PFKFB3: variants seen among roughly 807,000 people sequenced by gnomAD.
The protein encoded by PFKFB3 is 6-phosphofructo-2-kinase/fructose-2,6-biphosphatase 3, also known as 6-phosphofructo-2-kinase/fructose-2,6-bisphosphatase 3.
PFKFB3 carries 33 observed loss-of-function variants against 68.0 expected under a neutral mutation model. That is an observed-to-expected ratio of 0.49 (90% CI 0.37 to 0.65). The LOEUF (loss-of-function observed/expected upper bound fraction) is 0.65, where lower values mean the gene tolerates loss of function less well. Ranked by LOEUF, PFKFB3 falls within the 30% of genes least tolerant of loss-of-function variation. The pLI, the probability that PFKFB3 is intolerant of heterozygous loss-of-function variation, is 0.00. For missense variants in PFKFB3, 586 were observed against 712.2 expected, an observed-to-expected ratio of 0.82 and a Z score of 2.02; for synonymous variants, 315 against 288.2, an observed-to-expected ratio of 1.09 and a Z score of -0.94.
At chr10:6,165,086 G>T (rs370102123) in intron 1 of PFKFB3, among the ~76,000 whole-genome samples, 46 of 152,254 alleles carry the variant, frequency 3.0e-4, no homozygotes, top group African/African-American at 1.0e-3. Context: ...TTCCCAGGAG[G>T]CCATATCTCA....
chr10:6,192,749 G>T (rs868765783), intron 1 of PFKFB3, among the ~76,000 whole-genome samples: 15 of 151,886 alleles, frequency 9.9e-5, no homozygotes, highest in Middle Eastern at 6.8e-3. Context: ...AAACCAAGGG[G>T]TGAAGACCAA....
chr10:6,144,924 T>C (rs2131660468), upstream of PFKFB3: 1 of 1,150,564 alleles, frequency 8.7e-7, no homozygotes, highest in Non-Finnish European at 1.1e-6. Flanking sequence ...GCGCCCCGAG[T>C]CGCGGGGCTG....
chr10:6,212,305 C>A (rs1013853158), intron 1 of PFKFB3, among the ~76,000 whole-genome samples: 7 of 152,232 alleles, frequency 4.6e-5, no homozygotes, highest in African/African-American at 1.7e-4. Context: ...GCCCTCGGCT[C>A]CCAGAACAGG....
intron 1 of PFKFB3, among the ~76,000 whole-genome samples, chr10:6,159,107 A>C (rs1334106803): frequency 2.0e-5 from 3 of 152,146 alleles, no homozygotes; most frequent in African/African-American, 7.2e-5. Context: ...AAAAAATCCC[A>C]AAACAGGCCA....
chr10:6,146,603 C>T lies in PFKFB3; in HGVS notation c.16+1590C>T, dbSNP rs1004692339. On this transcript the variant is annotated intron_variant, in intron 1 of 14. Transcript: ENST00000379789. ...GACAATCATTTATCTCTGACTTCAT[C>T]GCTTCTGCCCACTTTTGTCGATGTA... 49 of 1,128,914 alleles carry T rather than the reference C, an allele frequency of 4.3e-5. No homozygotes were observed. In the African/African-American group the frequency reaches 5.6e-4, roughly 13 times the overall value. The allele number at this position is 1,128,914 out of a possible 1,614,324, so 69.9% of individuals were successfully genotyped here.
At chr10:6,232,816 G>A (rs1425348492) in intron 14 of PFKFB3, 79 bp from the exon 15 acceptor site, 5 of 1,096,568 alleles carry the variant, frequency 4.6e-6, no homozygotes, top group Non-Finnish European at 6.9e-6. Context: ...TCCGTTGCAT[G>A]GCTCGCGTCT....
downstream of PFKFB3, among the ~76,000 whole-genome samples, chr10:6,236,947 G>A (rs1307172738): frequency 2.0e-5 from 3 of 152,290 alleles, no homozygotes; most frequent in East Asian, 3.9e-4. Context: ...CCGGAGAGGG[G>A]TGGACGTTGT....
chr10:6,177,632 TCTC>T (rs1434508759), intron 1 of PFKFB3, among the ~76,000 whole-genome samples: 1 of 151,384 alleles, frequency 6.6e-6, no homozygotes, highest in Non-Finnish European at 1.5e-5. Context: ...TTCAAGCAAT[TCTC>T]CTGCCTCAGC....
chr10:6,320,298 C>A, the PFKFB3 span, among the ~76,000 whole-genome samples: 66 of 152,278 alleles, frequency 4.3e-4, no homozygotes, highest in African/African-American at 1.5e-3. Context: ...TCTCAGGAAT[C>A]TCAAAGTCAT....
At position 6,159,690 on chromosome 10, in the gene PFKFB3, C is replaced by A. The variant is rs1373976547; in HGVS notation, c.16+14677C>A. Among the ~76,000 whole-genome samples, 35 of 145,760 alleles carry A rather than the reference C, an allele frequency of 2.4e-4. 1 individual carries two copies. In the Admixed American group the frequency reaches 2.4e-3, roughly 10 times the overall value. On this transcript the variant is annotated intron_variant, in intron 1 of 14. Coordinates refer to the PFKFB3 transcript ENST00000379789. The stretch of plus-strand genomic sequence containing the variant: ...CTGGGCAACAAGAGTGAAACTCCGT[C>A]TGAGGAAAAAAAAAAAAAACAAAAC...
At chr10:6,322,143 T>C in the PFKFB3 span, among the ~76,000 whole-genome samples, 1 of 152,136 alleles carries the variant, frequency 6.6e-6, no homozygotes, top group Admixed American at 6.5e-5. Context: ...GAATTTCAAA[T>C]CTCCCTTTCT....
At chr10:6,193,658 A>AG (rs930449356) in intron 1 of PFKFB3, among the ~76,000 whole-genome samples, 9 of 152,250 alleles carry the variant, frequency 5.9e-5, no homozygotes, top group Non-Finnish European at 1.3e-4. Flanking sequence ...AGTCCAAAAA[A>AG]GGAGTCAGCA....
At chr10:6,212,549 G>A (rs935429990) in intron 1 of PFKFB3, among the ~76,000 whole-genome samples, 4 of 152,156 alleles carry the variant, frequency 2.6e-5, no homozygotes, top group South Asian at 2.1e-4. Flanking sequence ...CAGAAGAGGG[G>A]GTCAGACAGG....
At chr10:6,226,046 G>T in intron 13 of PFKFB3, 146 bp from the exon 14 acceptor site, 1 of 670,668 alleles carries the variant, frequency 1.5e-6, no homozygotes. Flanking sequence ...GCAGCCCATG[G>T]TCCCTGGCCC....
chr10:6,167,435 C>G (rs935207911), intron 1 of PFKFB3, among the ~76,000 whole-genome samples: 3 of 152,234 alleles, frequency 2.0e-5, no homozygotes, highest in Non-Finnish European at 4.4e-5. Flanking sequence ...TTCATACTCT[C>G]TGAAGAGAGG....
Position 6,202,996 on chromosome 10 carries a change from G to A in PFKFB3, c.-265G>A, listed in dbSNP as rs1843435016. On this transcript the variant is annotated 5_prime_UTR_variant, in exon 1 of 15. Coordinates refer to ENST00000379775, the MANE Select transcript of PFKFB3 (RefSeq NM_004566.4). ...CGAGAGCGCGGCTGTCACTGCGCCC[G>A]AGCATCCCAGAGCTTTCCGAGCGGA... is the stretch of plus-strand genomic sequence containing the variant. 7.6e-7 allele frequency: 1 copy of A among 1,322,094 alleles called. No homozygotes were observed. Among genetic ancestry groups the A allele is most frequent in the Non-Finnish European group, 9.6e-7 (1 of 1,038,616 alleles). 81.9% of individuals were successfully genotyped at this position (1,322,094 alleles called of 1,614,324 possible).
intron 1 of PFKFB3, among the ~76,000 whole-genome samples, chr10:6,174,248 A>G (rs954181932): frequency 6.6e-6 from 1 of 152,146 alleles, no homozygotes; most frequent in Non-Finnish European, 1.5e-5. Flanking sequence ...TGGTTCCTTC[A>G]TGCCAATGAC....
At chr10:6,244,714 G>A (rs76182750) in intron 14 of PFKFB3, among the ~76,000 whole-genome samples, 14,501 of 152,068 alleles carry the variant, frequency 0.095, 1,232 homozygotes, top group African/African-American at 0.21. Context: ...GCTGGAAAGG[G>A]CAGCTAAGGA....
intron 1 of PFKFB3, among the ~76,000 whole-genome samples, chr10:6,173,472 A>T (rs1842369928): frequency 6.6e-6 from 1 of 152,222 alleles, no homozygotes; most frequent in African/African-American, 2.4e-5. Context: ...AGAGAACAAG[A>T]TACAAACTTA....
Sources: allele counts gnomAD v4.1 joint callset (sites outside exome capture counted in the v4.1 genomes callset), GRCh38; gene constraint gnomAD v4.1.1; transcripts MANE v1.5; gene names NCBI Gene and HGNC (gene_info 2026-07-23, HGNC 2026-07-21).